Variants in CSPP1 observed in about 807,000 individuals in gnomAD.
CSPP1 encodes centrosome and spindle pole-associated protein 1.
A neutral mutation model predicts 164.4 loss-of-function variants in CSPP1; 126 were observed. The ratio of observed to expected loss-of-function variants is 0.77; its 90% CI spans 0.66 to 0.89. CSPP1 has a LOEUF of 0.89. Among genes scored for constraint, CSPP1 ranks in the 40% least tolerant of loss-of-function variants. The pLI, the probability that CSPP1 is intolerant of heterozygous loss-of-function variation, is 0.00. For synonymous variants in CSPP1, 472 were observed against 476.7 expected (o/e 0.99, Z 0.13); for missense variants, 1,395 against 1,449.8 (o/e 0.96, Z 0.61).
At chr8:67,171,875 T>C (rs1013623909) in intron 24 of CSPP1, among the ~76,000 whole-genome samples, 14 of 144,166 alleles carry the variant, frequency 9.7e-5, no homozygotes, top group African/African-American at 3.7e-4. Context: ...TGAGATGGAG[T>C]CTTGCTCTGT....
At chr8:67,127,207 C>A (rs955050406) in intron 15 of CSPP1, among the ~76,000 whole-genome samples, 3 of 152,188 alleles carry the variant, frequency 2.0e-5, no homozygotes, top group Non-Finnish European at 2.9e-5. Flanking sequence ...CCATGAATTT[C>A]CAAATTACTT....
intron 29 of CSPP1, among the ~76,000 whole-genome samples, chr8:67,191,205 T>TA (rs1182931024): frequency 6.6e-6 from 1 of 152,248 alleles, no homozygotes; most frequent in Non-Finnish European, 1.5e-5. Flanking sequence ...TCCCCAGCTT[T>TA]ACAATATAGC....
intron 18 of CSPP1, among the ~76,000 whole-genome samples, chr8:67,151,828 G>A (rs1218277853): frequency 3.3e-5 from 5 of 151,880 alleles, no homozygotes; most frequent in Non-Finnish European, 7.4e-5. Context: ...AGTGGCTCAC[G>A]CCTGTAATCC....
At chr8:67,141,682 C>A (rs1324826072) in intron 17 of CSPP1, among the ~76,000 whole-genome samples, 2 of 152,138 alleles carry the variant, frequency 1.3e-5, no homozygotes, top group Non-Finnish European at 2.9e-5. Context: ...CCACCACGCC[C>A]CCCTAATTTT....
At chr8:67,194,533 C>T (rs1414136926) in intron 30 of CSPP1, among the ~76,000 whole-genome samples, 1 of 151,956 alleles carries the variant, frequency 6.6e-6, no homozygotes, top group Non-Finnish European at 1.5e-5. Context: ...TAATATTTAA[C>T]AGGAATATAT....
intron 2 of CSPP1, among the ~76,000 whole-genome samples, 199 bp from the exon 3 acceptor site, chr8:67,076,283 G>C (rs1807894770): frequency 6.6e-6 from 1 of 151,832 alleles, no homozygotes; most frequent in Admixed American, 6.6e-5. Context: ...AATATTTGTT[G>C]GTAAGTGAAT....
chr8:67,114,355 G>A lies in CSPP1; in HGVS notation c.1272G>A (p.Gln424=), dbSNP rs954427956. The change falls in exon 12 of 31, where the codon CAG becomes CAA. Residue 424 remains glutamine, a synonymous_variant. Coordinates refer to ENST00000678616, the MANE Select transcript of CSPP1 (RefSeq NM_001382391.1). ...GGAATGAATTACTCACATCATTGCA[G>A]TTAAGTAAGGAGGAGGTAATTTATT... is the stretch of plus-strand genomic sequence containing the variant. ...KSWNELLTSL[Q]LSKEEPDRLK... is the part of the protein sequence containing the mutation. 6.6e-6 allele frequency: 1 copy of A among 152,594 alleles called. No individual in the cohort carries two copies. Among genetic ancestry groups the A allele is most frequent in the African/African-American group, 2.4e-5 (1 of 41,428 alleles). 9.5% of individuals were successfully genotyped at this position (152,594 alleles called of 1,614,324 possible).
chr8:67,118,963 A>G, intron 15 of CSPP1, 142 bp downstream of exon 15: 1 of 631,340 alleles, frequency 1.6e-6, no homozygotes. Flanking sequence ...CCATCACCAC[A>G]ATCCATCTTC....
chr8:67,184,736 T>TTAAAAAAAA (rs1316027774), intron 28 of CSPP1, among the ~76,000 whole-genome samples: 12 of 128,480 alleles, frequency 9.3e-5, no homozygotes, highest in African/African-American at 4.2e-4. Flanking sequence ...AAAATAATAA[T>TTAAAAAAAA]AAAAAAATAT....
At chr8:67,104,976 T>A (rs1241531581) in intron 8 of CSPP1, among the ~76,000 whole-genome samples, 5 of 140,762 alleles carry the variant, frequency 3.6e-5, no homozygotes, top group South Asian at 2.2e-4. Context: ...ATTTTTTTTT[T>A]TTTTTTTTTT....
At chr8:67,127,441 TA>T (rs1820308823) in intron 15 of CSPP1, among the ~76,000 whole-genome samples, 1 of 152,130 alleles carries the variant, frequency 6.6e-6, no homozygotes, top group Non-Finnish European at 1.5e-5. Flanking sequence ...TTTTCTTAAG[TA>T]CATTTAATCT....
chr8:67,184,676 A>G (rs772773687), intron 28 of CSPP1, among the ~76,000 whole-genome samples: 1 of 151,808 alleles, frequency 6.6e-6, no homozygotes, highest in Non-Finnish European at 1.5e-5. Flanking sequence ...GTGAGCTGAA[A>G]TCGTGCCACT....
chr8:67,181,394 G>A (rs1184135400), intron 28 of CSPP1, among the ~76,000 whole-genome samples: 1 of 146,422 alleles, frequency 6.8e-6, no homozygotes, highest in Non-Finnish European at 1.5e-5. Flanking sequence ...AAGATGCACT[G>A]CGGAGAGAAG....
chr8:67,176,058 A>G (rs566598311), intron 26 of CSPP1, among the ~76,000 whole-genome samples: 32 of 150,496 alleles, frequency 2.1e-4, no homozygotes, highest in African/African-American at 7.3e-4. Flanking sequence ...TGAATATCGC[A>G]CAGAAGAAAT....
Position 67,093,574 on chromosome 8 carries a change from ACAAT to A in CSPP1, c.419_422del (p.Asn140SerfsTer38), listed in dbSNP as rs1371078806. On this transcript the variant is annotated frameshift_variant, in exon 6 of 31. Coordinates refer to ENST00000678616, the MANE Select transcript of CSPP1 (RefSeq NM_001382391.1). LOFTEE classifies it high-confidence loss of function. ...TTGAAACTTGAACGTAACAAAGAAT[ACAAT>A]CAGTTTCTCAGGGGTAAGGAAGAAT... 6.2e-7 allele frequency: 1 copy of A among 1,611,608 alleles called. No homozygotes were observed. The highest frequency in any genetic ancestry group is 1.7e-5 in the Admixed American group (1 of 59,990).
chr8:67,194,276 G>A (rs2129576199), intron 30 of CSPP1, among the ~76,000 whole-genome samples: 1 of 152,276 alleles, frequency 6.6e-6, no homozygotes, highest in East Asian at 1.9e-4. Flanking sequence ...GTCTATTTGG[G>A]AAATACTCTT....
chr8:67,076,917 G>A (rs1037763332), intron 3 of CSPP1, among the ~76,000 whole-genome samples: 1 of 152,116 alleles, frequency 6.6e-6, no homozygotes, highest in African/African-American at 2.4e-5. Context: ...TGGTGAACTT[G>A]CTTATTTAAA....
intron 15 of CSPP1, among the ~76,000 whole-genome samples, chr8:67,130,290 G>C (rs1333739653): frequency 6.6e-6 from 1 of 152,200 alleles, no homozygotes; most frequent in African/African-American, 2.4e-5. Flanking sequence ...GGGAGTCAGG[G>C]AGGAGTTGAT....
intron 1 of CSPP1, among the ~76,000 whole-genome samples, chr8:67,065,179 A>G (rs1185784862): frequency 1.3e-5 from 2 of 152,222 alleles, no homozygotes; most frequent in South Asian, 2.1e-4. Context: ...CGTAGCTCGT[A>G]CTGTTGTGAC....
Sources: allele counts gnomAD v4.1 joint callset (sites outside exome capture counted in the v4.1 genomes callset), GRCh38; gene constraint gnomAD v4.1.1; transcripts MANE v1.5; gene names NCBI Gene and HGNC (gene_info 2026-07-23, HGNC 2026-07-21).